NAA25: variants seen among roughly 807,000 people sequenced by gnomAD.
NAA25 encodes N-terminal acetyltransferase B complex subunit NAA25.
A neutral mutation model predicts 132.5 loss-of-function variants in NAA25; 30 were observed. The observed-to-expected ratio is 0.23, with a 90% CI of 0.17 to 0.31. The LOEUF (loss-of-function observed/expected upper bound fraction) is 0.31, where lower values mean the gene tolerates loss of function less well. NAA25 is among the 10% of genes least tolerant of loss of function. The pLI is 1.00. For synonymous variants in NAA25, 359 were observed against 401.9 expected (o/e 0.89, Z 1.28); for missense variants, 771 against 1,150.4 (o/e 0.67, Z 4.77).
intron 22 of NAA25, chr12:112,034,111 G>A (rs1016652827): frequency 5.9e-5 from 9 of 152,022 alleles, no homozygotes; most frequent in Non-Finnish European, 1.0e-4. Flanking sequence ...AACACTGTTG[G>A]GGATGAGTAC....
rs2078327983 is a variant in NAA25, at chr12:112,043,229, A to G, written c.2251-18T>C. On this transcript the variant is annotated intron_variant, in intron 18 of 23. Transcript: ENST00000261745. Reference sequence around the variant, plus strand: ...AAAGGATACTGGAAAAAAGGGAGAAAAATAATGCTCTTTTAAATCCATCTA... The same window carrying G: ...AAAGGATACTGGAAAAAAGGGAGAAGAATAATGCTCTTTTAAATCCATCTA... 2 of 1,566,466 alleles carry G rather than the reference A, an allele frequency of 1.3e-6. No homozygotes were observed. Among genetic ancestry groups the G allele is most frequent in the Non-Finnish European group, 1.7e-6 (2 of 1,157,950 alleles).
intron 17 of NAA25, among the ~76,000 whole-genome samples, chr12:112,044,707 T>C (rs2078352678): frequency 1.3e-5 from 2 of 150,794 alleles, no homozygotes; most frequent in Non-Finnish European, 3.0e-5. Flanking sequence ...AAAAAACAGG[T>C]CATTTTCCTT....
At chr12:112,070,549 T>G (rs1490413743) in intron 10 of NAA25, among the ~76,000 whole-genome samples, 2 of 152,158 alleles carry the variant, frequency 1.3e-5, no homozygotes, top group African/African-American at 4.8e-5. Flanking sequence ...GACTTTATTG[T>G]TTTTGACTGT....
Position 112,027,698 on chromosome 12 carries a change from CTTT to C in NAA25, c.*1830_*1832del, listed in dbSNP as rs2078102561. On this transcript the variant is annotated 3_prime_UTR_variant, in exon 24 of 24. Coordinates refer to ENST00000261745, the MANE Select transcript of NAA25 (RefSeq NM_024953.4). ...CAAAGAGCATTTCTACAGTACAGTA[CTTT>C]TTTGGATATTCAGAGAGACATCATT... is the stretch of plus-strand genomic sequence containing the variant. The C allele has an allele frequency of 6.6e-6, 1 of 152,152 alleles. No homozygotes were observed. The highest frequency in any genetic ancestry group is 1.9e-4 in the East Asian group (1 of 5,202). 9.4% of individuals were successfully genotyped at this position (152,152 alleles called of 1,614,324 possible).
Position 112,027,273 on chromosome 12 carries a change from G to C in NAA25, c.*2258C>G, listed in dbSNP as rs574212854. On this transcript the variant is annotated 3_prime_UTR_variant, in exon 24 of 24. Coordinates refer to ENST00000261745, the MANE Select transcript of NAA25 (RefSeq NM_024953.4). ...TTCTCTTCAAATACCAATGGCATAC[G>C]ATTGCTGGGAGAGGGTGCTTTTTAC... The C allele has an allele frequency of 1.3e-5, 2 of 152,108 alleles. No individual in the cohort carries two copies. The highest frequency in any genetic ancestry group is 2.9e-5 in the Non-Finnish European group (2 of 67,970). The allele number at this position is 152,108 out of a possible 1,614,324, so 9.4% of individuals were successfully genotyped here.
At position 112,029,433 on chromosome 12, in the gene NAA25, T is replaced by A. The variant is rs1485611270; in HGVS notation, c.*98A>T. The A allele has an allele frequency of 1.1e-5, 18 of 1,572,236 alleles. No individual in the cohort carries two copies. Among genetic ancestry groups the A allele is most frequent in the Middle Eastern group, 1.7e-4 (1 of 5,900 alleles). ...TCCTTCATGCATTTTATGAGGAAGT[T>A]CTGGATTAAAATCATGGTCAACCAG... On this transcript the variant is annotated 3_prime_UTR_variant, in exon 24 of 24. Transcript: ENST00000261745.
intron 10 of NAA25, among the ~76,000 whole-genome samples, chr12:112,070,175 G>C (rs1034318472): frequency 6.6e-6 from 1 of 152,080 alleles, no homozygotes; most frequent in South Asian, 2.1e-4. Flanking sequence ...TTCTTAGTAT[G>C]AGCAAAGAAT....
At chr12:112,051,677 G>GA (rs2078468240) in intron 15 of NAA25, among the ~76,000 whole-genome samples, 1 of 152,040 alleles carries the variant, frequency 6.6e-6, no homozygotes, top group African/African-American at 2.4e-5. Context: ...ACATTCAGAT[G>GA]AATTAGTCAC....
chr12:112,085,635 AAT>A (rs1020448145), intron 4 of NAA25, among the ~76,000 whole-genome samples: 3 of 152,130 alleles, frequency 2.0e-5, no homozygotes, highest in Admixed American at 2.0e-4. Flanking sequence ...ATGAATATTT[AAT>A]ATACTTTGCT....
chr12:112,088,979 C>T (rs2079093688), intron 3 of NAA25, among the ~76,000 whole-genome samples: 1 of 152,014 alleles, frequency 6.6e-6, no homozygotes, highest in African/African-American at 2.4e-5. Flanking sequence ...AACATGCCAC[C>T]AATATTTGTG....
chr12:112,101,996 A>T (rs2079302801), intron 1 of NAA25, among the ~76,000 whole-genome samples: 1 of 150,932 alleles, frequency 6.6e-6, no homozygotes, highest in Admixed American at 6.6e-5. Flanking sequence ...CCTCCCGAGT[A>T]GCTAGGATTA....
rs369858613 is a variant in NAA25, at chr12:112,070,725, G to A, written c.1036+1170C>T. ...CCGAGTAGCTGAGACACAGGTGCAC[G>A]ACACCACGCTCAGATAATTTTTTGT... On this transcript the variant is annotated intron_variant, in intron 10 of 23. Transcript: ENST00000261745. Among the ~76,000 whole-genome samples, 45 of 151,730 alleles carry A rather than the reference G, an allele frequency of 3.0e-4. No individual in the cohort carries two copies. The East Asian group carries it at 8.2e-3, about 27-fold the overall frequency.
At chr12:112,100,916 C>G (rs2079286458) in intron 1 of NAA25, among the ~76,000 whole-genome samples, 1 of 152,206 alleles carries the variant, frequency 6.6e-6, no homozygotes, top group African/African-American at 2.4e-5. Context: ...CCACACCCGG[C>G]CTGATTCCAC....
intron 17 of NAA25, among the ~76,000 whole-genome samples, chr12:112,044,097 T>C (rs1032113818): frequency 6.6e-6 from 1 of 151,656 alleles, no homozygotes; most frequent in Non-Finnish European, 1.5e-5. Flanking sequence ...CCGGCTAATT[T>C]TTTTTTTGTA....
rs2078106848 is a variant in NAA25 at position 112,028,201 on chromosome 12, C to T, written c.*1330G>A. The T allele has an allele frequency of 6.6e-6, 1 of 152,260 alleles. No homozygotes were observed. The highest frequency in any genetic ancestry group is 2.1e-4 in the South Asian group (1 of 4,834). 9.4% of individuals were successfully genotyped at this position (152,260 alleles called of 1,614,324 possible). ...ACCTTTAAGGTCTTCAAGACCAATC[C>T]TCCATTGGATGCTTAATTTCCTCAT... is the stretch of plus-strand genomic sequence containing the variant. On this transcript the variant is annotated 3_prime_UTR_variant, in exon 24 of 24. Transcript: ENST00000261745.
Position 112,074,665 on chromosome 12 carries a change from G to A in NAA25, c.866+10C>T. On this transcript the variant is annotated intron_variant, in intron 9 of 23. Transcript: ENST00000261745. The stretch of plus-strand genomic sequence containing the variant: ...AGTGCTGTTATAATTCAGGAAAGAA[G>A]ACAACTTACTGTTCACCTTCAGCAG... 1.3e-6 allele frequency: 2 copies of A among 1,578,182 alleles called. No homozygotes were observed. The highest frequency in any genetic ancestry group is 1.7e-6 in the Non-Finnish European group (2 of 1,155,638).
rs1409040249 is a variant in NAA25, at chr12:112,090,765, G to T, written c.244C>A (p.Leu82Met). The change falls in exon 3 of 24, where the codon CTG becomes ATG. Residue 82 changes from leucine to methionine, a missense_variant. This residue lies in a region of NAA25 where 417 missense variants were observed against 733.8 expected (regional missense o/e 0.57). Transcript: ENST00000261745. ...AALEPTDDNS[L>M]QALTILYREM... ...CGGTAAAGGATAGTCAGTGCCTGCA[G>T]TGAGTTGTCATCTGTGGGTTCAAGG... is the stretch of plus-strand genomic sequence containing the variant. The T allele has an allele frequency of 6.2e-7, 1 of 1,613,964 alleles. No individual in the cohort carries two copies. The highest frequency in any genetic ancestry group is 8.5e-7 in the Non-Finnish European group (1 of 1,179,978).
intron 4 of NAA25, among the ~76,000 whole-genome samples, chr12:112,085,112 C>G (rs1382658623): frequency 6.6e-6 from 1 of 152,110 alleles, no homozygotes; most frequent in Non-Finnish European, 1.5e-5. Context: ...CACCTGTAAT[C>G]CCAGCTATTC....
Position 112,071,003 on chromosome 12 carries a change from T to C in NAA25, c.1036+892A>G, listed in dbSNP as rs557420372. Among the ~76,000 whole-genome samples the C allele has an allele frequency of 4.6e-5, 7 of 152,336 alleles. No individual in the cohort carries two copies. In the East Asian group the frequency reaches 1.3e-3, roughly 29 times the overall value. On this transcript the variant is annotated intron_variant, in intron 10 of 23. Coordinates refer to ENST00000261745, the MANE Select transcript of NAA25 (RefSeq NM_024953.4). Reference sequence around the variant, plus strand: ...CTCAGGTGATCCGCCCGCCTTGGCCTCCCAAAGTGCTGGGATTATAGGCAT... The same window carrying C: ...CTCAGGTGATCCGCCCGCCTTGGCCCCCCAAAGTGCTGGGATTATAGGCAT...
Sources: gnomAD v4.1 joint callset for allele counts (sites outside exome capture counted in the v4.1 genomes callset) on GRCh38, gnomAD v4.1.1 for gene constraint, gnomAD v4.1.1 regional missense constraint, MANE v1.5 for transcripts, NCBI Gene and HGNC (gene_info 2026-07-23, HGNC 2026-07-21) for gene names.